Variants in LPP observed in about 807,000 individuals in gnomAD.
LPP encodes LIM domain containing preferred translocation partner in lipoma, also known as lipoma-preferred partner.
In LPP, 38 loss-of-function variants were observed where a neutral mutation model predicts 60.4. The observed-to-expected ratio is 0.63, with a 90% CI of 0.49 to 0.83. The LOEUF (loss-of-function observed/expected upper bound fraction) is 0.83, where lower values mean the gene tolerates loss of function less well. LPP is among the 40% of genes least tolerant of loss of function. The pLI, the probability that LPP is intolerant of heterozygous loss-of-function variation, is 0.00. For synonymous variants in LPP, 328 were observed against 290.8 expected, an observed-to-expected ratio of 1.13 and a Z score of -1.30; for missense variants, 902 against 783.6, an observed-to-expected ratio of 1.15 and a Z score of -1.80.
intron 7 of LPP, among the ~76,000 whole-genome samples, chr3:188,671,420 A>T (rs1856930470): frequency 6.6e-6 from 1 of 152,212 alleles, no homozygotes; most frequent in South Asian, 2.1e-4. Context: ...TCAGTTTATC[A>T]AACTTCAATA....
intron 2 of LPP, among the ~76,000 whole-genome samples, chr3:188,262,618 ATC>A (rs746540948): frequency 6.0e-5 from 9 of 149,262 alleles, no homozygotes; most frequent in African/African-American, 4.9e-5. Flanking sequence ...ACACCCCCTC[ATC>A]TCTCTCTCTC....
At chr3:188,173,487 G>A (rs536161834) in intron 1 of LPP, among the ~76,000 whole-genome samples, 1 of 150,994 alleles carries the variant, frequency 6.6e-6, no homozygotes, top group African/African-American at 2.4e-5. Context: ...CTGGGCAACA[G>A]AGTGACTCCG....
intron 2 of LPP, among the ~76,000 whole-genome samples, chr3:188,319,760 G>C (rs1377814242): frequency 6.6e-6 from 1 of 152,188 alleles, no homozygotes; most frequent in African/African-American, 2.4e-5. Context: ...TTTAAGCAAA[G>C]AAATTATCAT....
chr3:188,629,165 C>T (rs1847400807), intron 7 of LPP, among the ~76,000 whole-genome samples: 1 of 152,124 alleles, frequency 6.6e-6, no homozygotes, highest in African/African-American at 2.4e-5. Context: ...ACAGGAAAAG[C>T]TGGAAGCACT....
chr3:188,267,073 C>A (rs1190935566), intron 2 of LPP, among the ~76,000 whole-genome samples: 2 of 152,182 alleles, frequency 1.3e-5, no homozygotes, highest in Admixed American at 6.5e-5. Context: ...GCAGGAAGAT[C>A]TTTCCTGAGC....
chr3:188,642,682 A>C (rs1351137515), intron 7 of LPP, among the ~76,000 whole-genome samples: 1 of 152,124 alleles, frequency 6.6e-6, no homozygotes, highest in African/African-American at 2.4e-5. Flanking sequence ...CACACTTGTA[A>C]TCCCAGCACT....
intron 2 of LPP, among the ~76,000 whole-genome samples, chr3:188,305,477 T>C (rs907997691): frequency 2.6e-5 from 4 of 152,318 alleles, no homozygotes; most frequent in African/African-American, 9.6e-5. Flanking sequence ...GCAGGTTAAT[T>C]CTGACAAGGT....
intron 9 of LPP, among the ~76,000 whole-genome samples, chr3:188,846,097 G>T (rs759207512): frequency 5.3e-5 from 8 of 152,320 alleles, no homozygotes; most frequent in African/African-American, 9.6e-5. Context: ...CACTGTGCTA[G>T]TCAGGGGATG....
At chr3:188,157,196 C>T (rs899505551) in intron 1 of LPP, among the ~76,000 whole-genome samples, 4 of 152,132 alleles carry the variant, frequency 2.6e-5, no homozygotes, top group African/African-American at 9.7e-5. Context: ...AAACACTTTC[C>T]AATCAGATAC....
chr3:188,302,506 G>A (rs928587789), intron 2 of LPP, among the ~76,000 whole-genome samples: 11 of 152,212 alleles, frequency 7.2e-5, no homozygotes, highest in Non-Finnish European at 4.4e-5. Context: ...CTCTTAGGAT[G>A]TGGATATAAG....
chr3:188,246,531 T>C (rs1458900302), intron 2 of LPP, among the ~76,000 whole-genome samples: 2 of 152,346 alleles, frequency 1.3e-5, no homozygotes, highest in East Asian at 3.9e-4. Flanking sequence ...TTTCCATGTC[T>C]TATGAATTTA....
intron 2 of LPP, among the ~76,000 whole-genome samples, chr3:188,235,996 A>T (rs548773883): frequency 6.6e-6 from 1 of 152,262 alleles, no homozygotes; most frequent in African/African-American, 2.4e-5. Flanking sequence ...TGCAAATAGT[A>T]ATAATGATGA....
At chr3:188,577,009 A>G (rs1294384331) in intron 6 of LPP, among the ~76,000 whole-genome samples, 1 of 152,150 alleles carries the variant, frequency 6.6e-6, no homozygotes, top group Admixed American at 6.5e-5. Flanking sequence ...GGTAAAATGG[A>G]AGGATAACAT....
intron 5 of LPP, among the ~76,000 whole-genome samples, chr3:188,516,540 A>G (rs967133173): frequency 6.6e-6 from 1 of 151,940 alleles, no homozygotes; most frequent in African/African-American, 2.4e-5. Context: ...ATGACATAAT[A>G]TAGGTTGTTT....
chr3:188,235,407 T>C (rs1721536712), intron 2 of LPP, among the ~76,000 whole-genome samples: 1 of 152,112 alleles, frequency 6.6e-6, no homozygotes, highest in South Asian at 2.1e-4. Context: ...CTAGGTGGGG[T>C]TGATGCAGTT....
chr3:188,702,689 G>A (rs1864721905), intron 7 of LPP, among the ~76,000 whole-genome samples: 1 of 152,108 alleles, frequency 6.6e-6, no homozygotes, highest in African/African-American at 2.4e-5. Context: ...AGAGATTCGG[G>A]TATTTCAGAA....
intron 9 of LPP, among the ~76,000 whole-genome samples, chr3:188,834,823 G>T (rs533014231): frequency 4.3e-4 from 65 of 152,316 alleles, no homozygotes; most frequent in African/African-American, 1.5e-3. Flanking sequence ...TAGGTAATCA[G>T]TGAAAATCCA....
At chr3:188,739,586 T>A (rs1295927541) in intron 8 of LPP, among the ~76,000 whole-genome samples, 1 of 152,068 alleles carries the variant, frequency 6.6e-6, no homozygotes, top group Non-Finnish European at 1.5e-5. Flanking sequence ...CCTTAGGAGA[T>A]AAAATTCCAG....
intron 9 of LPP, among the ~76,000 whole-genome samples, chr3:188,839,032 TAAG>T (rs561972010): frequency 1.4e-3 from 217 of 152,254 alleles, no homozygotes; most frequent in African/African-American, 4.9e-3. Flanking sequence ...TTTTTTAAAA[TAAG>T]AAGAAGTTGA....
Sources: gnomAD v4.1 joint callset for allele counts (sites outside exome capture counted in the v4.1 genomes callset) on GRCh38, gnomAD v4.1.1 for gene constraint, MANE v1.5 for transcripts, NCBI Gene and HGNC (gene_info 2026-07-23, HGNC 2026-07-21) for gene names.